MAD1L1: variants seen among roughly 807,000 people sequenced by gnomAD.
The protein encoded by MAD1L1 is mitotic spindle assembly checkpoint protein MAD1.
Under a neutral mutation model 96.9 loss-of-function variants are expected in MAD1L1, and 95 were observed. That is an observed-to-expected ratio of 0.98 (90% confidence interval 0.83 to 1.16). The LOEUF (loss-of-function observed/expected upper bound fraction) is 1.16. Among genes scored for constraint, MAD1L1 ranks in the 50% most tolerant of loss-of-function variants. The pLI is 0.00. For synonymous variants in MAD1L1, 473 were observed against 396.6 expected, an observed-to-expected ratio of 1.19 and a Z score of -2.29; for missense variants, 1,007 against 954.4, an observed-to-expected ratio of 1.06 and a Z score of -0.73.
intron 18 of MAD1L1, among the ~76,000 whole-genome samples, chr7:1,842,020 C>T (rs922031220): frequency 1.3e-5 from 2 of 152,224 alleles, no homozygotes; most frequent in Non-Finnish European, 2.9e-5. Flanking sequence ...TACCCTCCGG[C>T]GTCACCATCC....
At chr7:1,970,977 C>A (rs1336494069) in intron 15 of MAD1L1, among the ~76,000 whole-genome samples, 1 of 152,214 alleles carries the variant, frequency 6.6e-6, no homozygotes, top group African/African-American at 2.4e-5. Flanking sequence ...GCGAGTTGCG[C>A]TAATACAGTA....
chr7:1,970,561 T>C (rs1020442813), intron 15 of MAD1L1, among the ~76,000 whole-genome samples: 1 of 152,186 alleles, frequency 6.6e-6, no homozygotes, highest in African/African-American at 2.4e-5. Flanking sequence ...CTCAATCTCC[T>C]GACCTCAGGT....
At chr7:1,889,338 G>A (rs760001861) in intron 18 of MAD1L1, among the ~76,000 whole-genome samples, 14 of 152,248 alleles carry the variant, frequency 9.2e-5, no homozygotes, top group Non-Finnish European at 1.2e-4. Flanking sequence ...TGAGGAGGCT[G>A]GGGGATGGCG....
At chr7:1,889,045 G>A (rs925386299) in intron 18 of MAD1L1, among the ~76,000 whole-genome samples, 3 of 152,186 alleles carry the variant, frequency 2.0e-5, no homozygotes, top group Non-Finnish European at 4.4e-5. Context: ...GCAGGCATAC[G>A]GGGTCCCCAA....
Position 1,952,360 on chromosome 7 carries a change from G to A in MAD1L1, c.1596+5269C>T, listed in dbSNP as rs550082685. 5.0e-3 allele frequency among the ~76,000 whole-genome samples: 761 copies of A among 152,178 alleles called. 1 individual carries two copies. The highest frequency in any genetic ancestry group is 0.018 in the South Asian group (85 of 4,818). On this transcript the variant is annotated intron_variant, in intron 16 of 18. Transcript: ENST00000265854. Reference sequence around the variant, plus strand: ...GTGGGCGCTTCTCCTGTCCTTCCACGAGCCACGGGAGGAAACCAGGAGCCC... The same window carrying A: ...GTGGGCGCTTCTCCTGTCCTTCCACAAGCCACGGGAGGAAACCAGGAGCCC...
chr7:2,080,171 G>A (rs1195818418), intron 11 of MAD1L1, among the ~76,000 whole-genome samples: 2 of 152,248 alleles, frequency 1.3e-5, no homozygotes, highest in Non-Finnish European at 2.9e-5. Flanking sequence ...ACCACCTATG[G>A]TTGTAAGGAA....
chr7:1,824,583 T>G (rs1412756135), intron 18 of MAD1L1, among the ~76,000 whole-genome samples: 2 of 152,102 alleles, frequency 1.3e-5, no homozygotes, highest in Non-Finnish European at 2.9e-5. Flanking sequence ...GCAGCAGGAC[T>G]GGTTGTCTGC....
chr7:1,922,811 G>A (rs1437201162), intron 17 of MAD1L1, among the ~76,000 whole-genome samples: 3 of 152,238 alleles, frequency 2.0e-5, no homozygotes, highest in Admixed American at 6.5e-5. Context: ...CTGGTTTGCC[G>A]AGTTTCCCCA....
intron 12 of MAD1L1, among the ~76,000 whole-genome samples, chr7:2,030,857 C>A (rs1783196178): frequency 1.3e-5 from 2 of 152,208 alleles, no homozygotes; most frequent in African/African-American, 4.8e-5. Context: ...TCTCGGCCAA[C>A]CTTGCTCAGA....
At chr7:1,998,950 T>C (rs2128491618) in intron 14 of MAD1L1, among the ~76,000 whole-genome samples, 1 of 133,644 alleles carries the variant, frequency 7.5e-6, no homozygotes, top group South Asian at 2.5e-4. Flanking sequence ...CAGAGTCCCC[T>C]AACCCCACTC....
At chr7:1,953,808 C>T (rs1335872302) in intron 16 of MAD1L1, among the ~76,000 whole-genome samples, 3 of 152,252 alleles carry the variant, frequency 2.0e-5, no homozygotes, top group Non-Finnish European at 2.9e-5. Context: ...AGTCTGAATG[C>T]TGCTCCCATC....
rs1211414527 is a variant in MAD1L1 at position 2,217,960 on chromosome 7, A to C, written c.678+2T>G. On this transcript the variant is annotated splice_donor_variant, in intron 7 of 18. Coordinates refer to ENST00000265854, the MANE Select transcript of MAD1L1 (RefSeq NM_001013836.2). LOFTEE classifies it high-confidence loss of function. ...ACAAGGCACTGACAGGGAGTGACTC[A>C]CCTTAATCTGCTGCTCGTGGTCTGC... The C allele has an allele frequency of 6.2e-7, 1 of 1,612,428 alleles. No homozygotes were observed. The highest frequency in any genetic ancestry group is 2.2e-5 in the East Asian group (1 of 44,862).
chr7:1,884,892 T>C (rs145142865), intron 18 of MAD1L1, among the ~76,000 whole-genome samples: 1 of 152,286 alleles, frequency 6.6e-6, no homozygotes, highest in East Asian at 1.9e-4. Flanking sequence ...TTCTGCAGCT[T>C]GGGGCAGCTG....
intron 17 of MAD1L1, among the ~76,000 whole-genome samples, chr7:1,914,422 C>T (rs1047843996): frequency 2.6e-5 from 4 of 152,194 alleles, no homozygotes; most frequent in South Asian, 2.1e-4. Context: ...GCTAGAGATC[C>T]GAAGATGTGC....
intron 11 of MAD1L1, among the ~76,000 whole-genome samples, chr7:2,137,871 G>A (rs1055500537): frequency 2.6e-5 from 4 of 152,230 alleles, no homozygotes; most frequent in African/African-American, 4.8e-5. Context: ...GCAACTACAC[G>A]AGGACACGAT....
At chr7:2,148,058 G>A (rs73039232) in intron 11 of MAD1L1, among the ~76,000 whole-genome samples, 4,007 of 152,250 alleles carry the variant, frequency 0.026, 91 homozygotes, top group South Asian at 0.066. Flanking sequence ...ATCTGACAGC[G>A]GCTTTGAAAG....
At chr7:2,115,079 G>T (rs935892701) in intron 11 of MAD1L1, among the ~76,000 whole-genome samples, 1 of 152,140 alleles carries the variant, frequency 6.6e-6, no homozygotes, top group Non-Finnish European at 1.5e-5. Context: ...CTGTATCCCC[G>T]CCCCGCGACC....
At chr7:1,920,683 T>C (rs1383295301) in intron 17 of MAD1L1, among the ~76,000 whole-genome samples, 1 of 152,130 alleles carries the variant, frequency 6.6e-6, no homozygotes, top group Non-Finnish European at 1.5e-5. Flanking sequence ...CTGTCTACTT[T>C]AAAACAGTGA....
chr7:2,159,264 A>C (rs1789985445), intron 10 of MAD1L1, among the ~76,000 whole-genome samples: 1 of 152,252 alleles, frequency 6.6e-6, no homozygotes, highest in African/African-American at 2.4e-5. Context: ...ACAGGGGTGC[A>C]GGAGGCATCT....
Sources: gnomAD v4.1 joint callset for allele counts (sites outside exome capture counted in the v4.1 genomes callset) on GRCh38, gnomAD v4.1.1 for gene constraint, MANE v1.5 for transcripts, NCBI Gene and HGNC (gene_info 2026-07-23, HGNC 2026-07-21) for gene names.